The following TBC1D13 variants were observed in gnomAD, a reference collection of about 807,000 sequenced individuals.
The protein encoded by TBC1D13 is epididymis secretory sperm binding protein.
Under a neutral mutation model 53.6 loss-of-function variants are expected in TBC1D13, and 40 were observed. That is an observed-to-expected ratio of 0.75 (90% CI 0.58 to 0.97). The LOEUF (loss-of-function observed/expected upper bound fraction) is 0.97, where lower values mean the gene tolerates loss of function less well. Among genes scored for constraint, TBC1D13 ranks in the 50% least tolerant of loss-of-function variants. TBC1D13 has a pLI of 0.00. For missense variants in TBC1D13, 377 were observed against 499.4 expected (o/e 0.75, Z 2.34); for synonymous variants, 182 against 197.7 (o/e 0.92, Z 0.67).
chr9:128,790,748 G>C lies in TBC1D13; in HGVS notation c.111G>C (p.Glu37Asp). Residue 37 changes from glutamate (E) to aspartate (D), a missense_variant, in exon 3 of 12, where the codon GAG (glutamate) becomes GAC (aspartate). Physicochemically the swap from Glu to Asp is conservative, Grantham distance 45 (BLOSUM62 2). Transcript: ENST00000372648. ...RELSFSGIPC[E>D]GGLRCLCWKI... ...CTGTGTCCACAGGCATCCCCTGTGA[G>C]GGCGGACTGCGGTGCCTCTGCTGGA... 1 of 1,553,206 alleles carries C rather than the reference G, an allele frequency of 6.4e-7. No individual in the cohort carries two copies. The highest frequency in any genetic ancestry group is 8.6e-7 in the Non-Finnish European group (1 of 1,158,738).
intron 2 of TBC1D13, chr9:128,789,812 T>TATATATATATATATATATATATGTATAA (rs11269563): frequency 7.6e-6 from 1 of 132,390 alleles, no homozygotes; most frequent in Non-Finnish European, 1.6e-5. Context: ...TATATATATA[T>TATATATATATATATATATATATGTATAA]AATAATTCCA....
At chr9:128,806,101 G>A in intron 10 of TBC1D13, 82 bp downstream of exon 10, 2 of 1,586,016 alleles carry the variant, frequency 1.3e-6, no homozygotes, top group Non-Finnish European at 1.7e-6. Context: ...GCCCCGAAGG[G>A]TGGGCAGGGC....
chr9:128,793,932 C>G (rs1350053737), intron 6 of TBC1D13, among the ~76,000 whole-genome samples: 1 of 152,228 alleles, frequency 6.6e-6, no homozygotes, highest in African/African-American at 2.4e-5. Flanking sequence ...TCTCTGCCTT[C>G]TGAGAGCTTC....
chr9:128,792,601 C>T (rs1243890706), intron 6 of TBC1D13, 27 bp downstream of exon 6: 2 of 1,606,372 alleles, frequency 1.2e-6, no homozygotes, highest in East Asian at 2.2e-5. Context: ...GGGCCGGGAG[C>T]TGGCCCATGG....
At chr9:128,793,768 C>T (rs62583635) in intron 6 of TBC1D13, among the ~76,000 whole-genome samples, 1 of 152,156 alleles carries the variant, frequency 6.6e-6, no homozygotes, top group Non-Finnish European at 1.5e-5. Flanking sequence ...CACTCTGACC[C>T]GCAGTGACCC....
intron 7 of TBC1D13, among the ~76,000 whole-genome samples, chr9:128,800,929 A>G (rs1380944868): frequency 2.6e-5 from 4 of 152,246 alleles, no homozygotes; most frequent in Admixed American, 2.0e-4. Context: ...TGGGAGGCCA[A>G]GGCAGGTGGA....
intron 6 of TBC1D13, among the ~76,000 whole-genome samples, chr9:128,794,402 T>C (rs994243636): frequency 3.9e-5 from 6 of 152,226 alleles, no homozygotes; most frequent in African/African-American, 1.4e-4. Context: ...CTGATTGCTG[T>C]GTTCAAGTCA....
At chr9:128,788,686 A>C (rs779610658) in intron 2 of TBC1D13, among the ~76,000 whole-genome samples, 1 of 149,348 alleles carries the variant, frequency 6.7e-6, no homozygotes, top group East Asian at 2.0e-4. Context: ...GATTCCTGAG[A>C]GTAACAGGAC....
Position 128,805,909 on chromosome 9 carries a change from G to C in TBC1D13, c.969G>C (p.Leu323=), listed in dbSNP as rs781204322. The C allele has an allele frequency of 6.2e-6, 10 of 1,614,002 alleles. No individual in the cohort carries two copies. The highest frequency in any genetic ancestry group is 1.7e-5 in the Admixed American group (1 of 60,000). ...PQFFAFRWLT[L]LLSQEFLLPD... is the part of the protein sequence containing the mutation. ...TCTTTGCCTTCCGCTGGCTGACACTGCTGCTGTCCCAGGAGTTCTTGCTGC... is the reference window on the plus strand; with the variant it reads ...TCTTTGCCTTCCGCTGGCTGACACTCCTGCTGTCCCAGGAGTTCTTGCTGC... The change falls in exon 10 of 12, where the codon CTG becomes CTC. Residue 323 remains leucine (L), a synonymous_variant. Transcript: ENST00000372648.
At chr9:128,795,969 T>TA (rs1035143035) in intron 6 of TBC1D13, among the ~76,000 whole-genome samples, 1 of 151,354 alleles carries the variant, frequency 6.6e-6, no homozygotes, top group Non-Finnish European at 1.5e-5. Context: ...AATGACACTT[T>TA]AAAAAAAAAG....
intron 7 of TBC1D13, among the ~76,000 whole-genome samples, chr9:128,801,405 C>T (rs927423314): frequency 6.6e-6 from 1 of 151,680 alleles, no homozygotes; most frequent in Non-Finnish European, 1.5e-5. Context: ...CCAGCCTGGA[C>T]GCGGTGGCTC....
chr9:128,790,343 G>A (rs551265338), intron 2 of TBC1D13, among the ~76,000 whole-genome samples: 1 of 151,900 alleles, frequency 6.6e-6, no homozygotes, highest in South Asian at 2.1e-4. Flanking sequence ...GGAGGCCGAA[G>A]TGGGGGGATC....
chr9:128,789,733 G>A (rs1829494059), intron 2 of TBC1D13: 2 of 150,092 alleles, frequency 1.3e-5, no homozygotes, highest in Admixed American at 6.7e-5. Context: ...AATAGATGTG[G>A]TTTTTGTCCT....
At position 128,809,915 on chromosome 9, in the gene TBC1D13, C is replaced by T. The variant is rs909289631; in HGVS notation, c.*2036C>T. 2.0e-5 allele frequency: 3 copies of T among 152,722 alleles called. No homozygotes were observed. Among genetic ancestry groups the T allele is most frequent in the African/African-American group, 7.2e-5 (3 of 41,456 alleles). The allele number at this position is 152,722 out of a possible 1,614,324, so 9.5% of individuals were successfully genotyped here. ...GACTTGTCAGCTGGTGGTTCAGCCC[C>T]TTCTCCAACCCCTTCATAAGCTTGG... On this transcript the variant is annotated 3_prime_UTR_variant, in exon 12 of 12. Coordinates refer to ENST00000372648, the MANE Select transcript of TBC1D13 (RefSeq NM_018201.5).
At chr9:128,801,792 C>T (rs563653574) in intron 7 of TBC1D13, among the ~76,000 whole-genome samples, 4 of 146,760 alleles carry the variant, frequency 2.7e-5, no homozygotes, top group East Asian at 4.0e-4. Context: ...GACGGAGTCT[C>T]GCACTGTCAC....
chr9:128,803,149 G>A, intron 7 of TBC1D13, 101 bp from the exon 8 acceptor site: 1 of 1,048,954 alleles, frequency 9.5e-7, no homozygotes, highest in Non-Finnish European at 1.5e-6. Flanking sequence ...GACCACTGGG[G>A]CTCAGCTCCC....
At chr9:128,787,436 C>T (rs1829441102) in intron 1 of TBC1D13, 60 bp downstream of exon 1, 1 of 1,245,464 alleles carries the variant, frequency 8.0e-7, no homozygotes, top group Non-Finnish European at 1.0e-6. Flanking sequence ...CCCCTTCTGC[C>T]CCTCAGAAGG....
In TBC1D13 at chr9:128,806,031, C is replaced by T; in HGVS notation, c.1079+12C>T. The T allele has an allele frequency of 6.2e-7, 1 of 1,612,156 alleles. No homozygotes were observed. Among genetic ancestry groups the T allele is most frequent in the South Asian group, 1.1e-5 (1 of 90,954 alleles). ...TGCGCCATGCTCATGTGAGTGCGGGCATGAGCTGTCATCAGCTCACCTGGG... is the reference window on the plus strand; with the variant it reads ...TGCGCCATGCTCATGTGAGTGCGGGTATGAGCTGTCATCAGCTCACCTGGG... On this transcript the variant is annotated intron_variant, in intron 10 of 11. Transcript: ENST00000372648.
chr9:128,794,029 T>C (rs1829581498), intron 6 of TBC1D13, among the ~76,000 whole-genome samples: 2 of 152,172 alleles, frequency 1.3e-5, no homozygotes. Flanking sequence ...GAAAAACTGG[T>C]GCTTTTAGAG....
Sources: gnomAD v4.1 joint callset for allele counts (sites outside exome capture counted in the v4.1 genomes callset) on GRCh38, gnomAD v4.1.1 for gene constraint, MANE v1.5 for transcripts, NCBI Gene and HGNC (gene_info 2026-07-23, HGNC 2026-07-21) for gene names.